USH2A: variants seen among roughly 807,000 people sequenced by gnomAD.
The protein encoded by USH2A is Usher syndrome 2A (autosomal recessive, mild).
A neutral mutation model predicts 538.9 loss-of-function variants in USH2A; 443 were observed. The observed-to-expected ratio is 0.82, with a 90% CI of 0.76 to 0.89. USH2A has a LOEUF of 0.89. Among genes scored for constraint, USH2A ranks in the 40% least tolerant of loss-of-function variants. USH2A has a pLI of 0.00. For synonymous variants in USH2A, 2,413 were observed against 2,273.5 expected, an observed-to-expected ratio of 1.06 and a Z score of -1.75; for missense variants, 6,633 against 6,324.8, an observed-to-expected ratio of 1.05 and a Z score of -1.65.
intron 47 of USH2A, among the ~76,000 whole-genome samples, chr1:215,835,741 A>G (rs1663461260): frequency 6.6e-6 from 1 of 152,134 alleles, no homozygotes; most frequent in Non-Finnish European, 1.5e-5. Flanking sequence ...CTCTGTGGAA[A>G]AAACAGTTTG....
chr1:216,070,804 C>G (rs1423325522), intron 29 of USH2A, among the ~76,000 whole-genome samples: 1 of 116,688 alleles, frequency 8.6e-6, no homozygotes, highest in Non-Finnish European at 1.6e-5. Context: ...TTTTAAAAAG[C>G]AAAGTTCTAC....
At chr1:216,324,486 C>T in intron 6 of USH2A, 134 bp from the exon 7 acceptor site, 2 of 837,312 alleles carry the variant, frequency 2.4e-6, no homozygotes, top group South Asian at 3.8e-5. Flanking sequence ...ATGTATTAGA[C>T]ATCCAGAAAC....
chr1:215,747,731 A>G (rs1660512020), intron 58 of USH2A, among the ~76,000 whole-genome samples: 1 of 152,182 alleles, frequency 6.6e-6, no homozygotes, highest in African/African-American at 2.4e-5. Flanking sequence ...GCTGATAGAA[A>G]TTTCCATCCA....
chr1:216,362,470 T>G (rs1234002342), intron 4 of USH2A, among the ~76,000 whole-genome samples: 1 of 152,144 alleles, frequency 6.6e-6, no homozygotes, highest in Non-Finnish European at 1.5e-5. Flanking sequence ...AACAAGTACT[T>G]GGCTATATAT....
At chr1:216,292,138 G>T (rs2037012322) in intron 10 of USH2A, 37 bp downstream of exon 10, 3 of 1,603,224 alleles carry the variant, frequency 1.9e-6, no homozygotes, top group East Asian at 2.2e-5. Context: ...AAGCACACAG[G>T]CCTCCAAACC....
intron 36 of USH2A, among the ~76,000 whole-genome samples, chr1:215,970,070 T>C (rs1667454048): frequency 6.6e-6 from 1 of 152,174 alleles, no homozygotes; most frequent in African/African-American, 2.4e-5. Context: ...AATATAGATA[T>C]ACATTTCAGA....
intron 20 of USH2A, among the ~76,000 whole-genome samples, chr1:216,178,676 T>C (rs576962329): frequency 6.6e-6 from 1 of 152,180 alleles, no homozygotes; most frequent in Admixed American, 6.6e-5. Context: ...TAATATCCAA[T>C]AGCCAAAAAC....
At chr1:216,145,910 C>T (rs1457118011) in intron 21 of USH2A, among the ~76,000 whole-genome samples, 1 of 152,090 alleles carries the variant, frequency 6.6e-6, no homozygotes, top group Non-Finnish European at 1.5e-5. Flanking sequence ...TTTACCTACC[C>T]AAATCCTATA....
At chr1:215,896,058 T>A (rs970419457) in intron 40 of USH2A, among the ~76,000 whole-genome samples, 1 of 152,214 alleles carries the variant, frequency 6.6e-6, no homozygotes, top group African/African-American at 2.4e-5. Flanking sequence ...ACTGAAATGT[T>A]GTGCAGCATA....
chr1:216,373,868 G>A (rs906841240), intron 3 of USH2A, among the ~76,000 whole-genome samples: 2 of 152,060 alleles, frequency 1.3e-5, no homozygotes, highest in African/African-American at 2.4e-5. Context: ...GTCCAACACC[G>A]ATAGACTGGA....
intron 47 of USH2A, among the ~76,000 whole-genome samples, chr1:215,817,736 T>A (rs1662899007): frequency 6.6e-6 from 1 of 152,010 alleles, no homozygotes. Flanking sequence ...TCAGCAATCA[T>A]CTTTCAGTTA....
chr1:216,175,086 C>G (rs1307192438), intron 21 of USH2A, 166 bp downstream of exon 21: 2 of 1,450,432 alleles, frequency 1.4e-6, no homozygotes, highest in Non-Finnish European at 1.8e-6. Flanking sequence ...CCCCAGAATT[C>G]TAAAAAGATG....
intron 11 of USH2A, among the ~76,000 whole-genome samples, chr1:216,253,188 A>G (rs1233209689): frequency 6.6e-6 from 1 of 151,752 alleles, no homozygotes; most frequent in African/African-American, 2.4e-5. Flanking sequence ...AACTCTTGAA[A>G]AATGATTGAA....
intron 12 of USH2A, among the ~76,000 whole-genome samples, chr1:216,248,451 T>A (rs925737814): frequency 1.3e-5 from 2 of 151,964 alleles, no homozygotes; most frequent in Non-Finnish European, 2.9e-5. Flanking sequence ...AATTGCAATT[T>A]AAAAATTAAT....
intron 66 of USH2A, 94 bp from the exon 67 acceptor site, chr1:215,647,824 T>G (rs1432871392): frequency 1.2e-5 from 18 of 1,442,456 alleles, no homozygotes; most frequent in Admixed American, 1.9e-5. Context: ...AGGAGACATT[T>G]TGTTTTCACA....
At chr1:215,796,355 C>T (rs190589174) in intron 50 of USH2A, among the ~76,000 whole-genome samples, 17 of 152,198 alleles carry the variant, frequency 1.1e-4, no homozygotes, top group African/African-American at 3.6e-4. Context: ...CTTCGTGTCT[C>T]TGTCACATTT....
chr1:215,729,111 T>C (rs990211824), intron 60 of USH2A, among the ~76,000 whole-genome samples: 1 of 152,204 alleles, frequency 6.6e-6, no homozygotes, highest in Admixed American at 6.5e-5. Flanking sequence ...AATATGATGA[T>C]TGCAGAGACT....
At chr1:215,822,764 G>A (rs1401859991) in intron 47 of USH2A, among the ~76,000 whole-genome samples, 2 of 151,798 alleles carry the variant, frequency 1.3e-5, no homozygotes, top group African/African-American at 4.8e-5. Context: ...TGTCATACAT[G>A]GCTTTTATTT....
intron 20 of USH2A, among the ~76,000 whole-genome samples, chr1:216,188,401 A>G (rs933527791): frequency 6.6e-6 from 1 of 151,844 alleles, no homozygotes; most frequent in Non-Finnish European, 1.5e-5. Context: ...GATCTCATCT[A>G]CAAGAATTAT....
Sources: allele counts gnomAD v4.1 joint callset (sites outside exome capture counted in the v4.1 genomes callset), GRCh38; gene constraint gnomAD v4.1.1; transcripts MANE v1.5; gene names NCBI Gene and HGNC (gene_info 2026-07-23, HGNC 2026-07-21).